SLC7A11: variants seen among roughly 807,000 people sequenced by gnomAD.
SLC7A11 encodes cystine/glutamate transporter.
A neutral mutation model predicts 54.5 loss-of-function variants in SLC7A11; 35 were observed. The observed-to-expected ratio is 0.64, with a 90% CI of 0.49 to 0.85. The LOEUF is 0.85. SLC7A11 is among the 40% of genes least tolerant of loss of function. SLC7A11 has a pLI of 0.00. For missense variants in SLC7A11, 583 were observed against 618.1 expected (o/e 0.94, Z 0.60); for synonymous variants, 230 against 225.2 (o/e 1.02, Z -0.19).
intron 6 of SLC7A11, among the ~76,000 whole-genome samples, chr4:138,214,072 G>A (rs957454753): frequency 3.3e-5 from 5 of 151,962 alleles, no homozygotes; most frequent in Non-Finnish European, 7.4e-5. Context: ...GAAAGAAAGA[G>A]TAAAACTTAT....
rs565568723 is a variant in SLC7A11 at position 138,232,364 on chromosome 4, C to T, written c.423G>A (p.Val141=). Residue 141 remains valine, a synonymous_variant, in exon 3 of 12, where the codon GTG becomes GTA. Transcript: ENST00000280612. Reference sequence around the variant, plus strand: ...TGTAGCGTCCAAATGCCAGGGATATCACAGCAGTAGCTGCAGGGCTAAAAA... The same window carrying T: ...TGTAGCGTCCAAATGCCAGGGATATTACAGCAGTAGCTGCAGGGCTAAAAA... ...LLIIRPAATA[V]ISLAFGRYIL... is the part of the protein sequence containing the mutation. The T allele has an allele frequency of 6.2e-7, 1 of 1,609,420 alleles. No individual in the cohort carries two copies. The highest frequency in any genetic ancestry group is 1.3e-5 in the African/African-American group (1 of 74,884).
intron 10 of SLC7A11, among the ~76,000 whole-genome samples, chr4:138,180,129 C>G (rs1247358145): frequency 6.6e-6 from 1 of 152,058 alleles, no homozygotes; most frequent in Non-Finnish European, 1.5e-5. Flanking sequence ...TCTTCTCTTT[C>G]CCTGTATATT....
chr4:138,224,750 A>G (rs1266495790), intron 3 of SLC7A11, among the ~76,000 whole-genome samples: 1 of 151,604 alleles, frequency 6.6e-6, no homozygotes, highest in African/African-American at 2.4e-5. Context: ...TGATCAATAC[A>G]GCAAGTTAGA....
intron 6 of SLC7A11, among the ~76,000 whole-genome samples, chr4:138,188,419 C>A (rs1736928958): frequency 6.6e-6 from 1 of 152,136 alleles, no homozygotes. Flanking sequence ...AAAATAGCCA[C>A]TAGCTTCCAT....
rs977621593 is a variant in SLC7A11 at position 138,241,853 on chromosome 4, T to C, written c.217A>G (p.Thr73Ala). ...GTCAGAGACATGCCCACGCTGCCCG[T>C]GTTCTGGAGCACGCCCTTAGGAGAG... ...FISPKGVLQN[T>A]GSVGMSLTIW... The change falls in exon 1 of 12, where the codon ACG becomes GCG. Residue 73 changes from threonine (T) to alanine (A), a missense_variant. Transcript: ENST00000280612. 2 of 1,614,026 alleles carry C rather than the reference T, an allele frequency of 1.2e-6. No homozygotes were observed. Among genetic ancestry groups the C allele is most frequent in the Non-Finnish European group, 8.5e-7 (1 of 1,180,008 alleles).
chr4:138,208,523 T>C (rs1406667781), intron 6 of SLC7A11, among the ~76,000 whole-genome samples: 2 of 125,010 alleles, frequency 1.6e-5, no homozygotes, highest in Non-Finnish European at 3.8e-5. Context: ...ACAGATTGCA[T>C]AGTCACCACA....
At chr4:138,195,255 G>A (rs913801288) in intron 6 of SLC7A11, among the ~76,000 whole-genome samples, 4 of 152,092 alleles carry the variant, frequency 2.6e-5, no homozygotes, top group Admixed American at 6.6e-5. Flanking sequence ...ATTATTTCAC[G>A]TAATGTCTTC....
chr4:138,182,333 G>A lies in SLC7A11; in HGVS notation c.1080C>T (p.Val360=). Residue 360 remains valine (V), a synonymous_variant, in exon 9 of 12, where the codon GTC becomes GTT. Coordinates refer to ENST00000280612, the MANE Select transcript of SLC7A11 (RefSeq NM_014331.4). ...HLPEILSMIH[V]RKHTPLPAVI... ...CAGCTGGTAGAGGAGTGTGCTTGCGGACATGAATCATGGAGAGGATTTCTG... is the reference window on the plus strand; with the variant it reads ...CAGCTGGTAGAGGAGTGTGCTTGCGAACATGAATCATGGAGAGGATTTCTG... 1 of 1,611,766 alleles carries A rather than the reference G, an allele frequency of 6.2e-7. No individual in the cohort carries two copies. Among genetic ancestry groups the A allele is most frequent in the Non-Finnish European group, 8.5e-7 (1 of 1,178,274 alleles).
intron 7 of SLC7A11, 38 bp downstream of exon 7, chr4:138,185,083 C>T (rs1224791090): frequency 1.2e-6 from 2 of 1,610,360 alleles, no homozygotes; most frequent in Non-Finnish European, 1.7e-6. Flanking sequence ...AGCTCATTAA[C>T]CTAAATTCCA....
chr4:138,173,233 G>C (rs767430438), intron 11 of SLC7A11, among the ~76,000 whole-genome samples: 2 of 152,030 alleles, frequency 1.3e-5, no homozygotes, highest in Admixed American at 6.6e-5. Context: ...CCTCTTGATG[G>C]TTTCAGGCCC....
intron 5 of SLC7A11, among the ~76,000 whole-genome samples, chr4:138,216,610 A>C (rs1227622711): frequency 6.6e-6 from 1 of 152,194 alleles, no homozygotes; most frequent in Admixed American, 6.5e-5. Context: ...AGAAAGTTTC[A>C]GCATTCCTCA....
At chr4:138,175,751 T>G (rs1736555419) in intron 11 of SLC7A11, 1 of 152,134 alleles carries the variant, frequency 6.6e-6, no homozygotes. Context: ...CCTTGGATTC[T>G]GAACATTCCC....
Position 138,171,809 on chromosome 4 carries a change from G to A in SLC7A11, c.*147C>T, listed in dbSNP as rs780874224. On this transcript the variant is annotated 3_prime_UTR_variant, in exon 12 of 12. Transcript: ENST00000280612. Reference sequence around the variant, plus strand: ...AACTAAATTTCTTAGAAATTAGTTCGAATATGCTAAAATATATGAATAAAA... The same window carrying A: ...AACTAAATTTCTTAGAAATTAGTTCAAATATGCTAAAATATATGAATAAAA... 78 of 1,013,530 alleles carry A rather than the reference G, an allele frequency of 7.7e-5. No homozygotes were observed. The highest frequency in any genetic ancestry group is 9.7e-5 in the Non-Finnish European group (70 of 724,390). The allele number at this position is 1,013,530 out of a possible 1,614,324, so 62.8% of individuals were successfully genotyped here. A position where few individuals can be genotyped will look rare whatever the true frequency, so the allele number is the denominator to read the frequency against.
chr4:138,172,462 G>T (rs923946671), intron 11 of SLC7A11, among the ~76,000 whole-genome samples: 1 of 152,192 alleles, frequency 6.6e-6, no homozygotes, highest in East Asian at 1.9e-4. Context: ...ATGTTATTGA[G>T]AATGTTGTCT....
chr4:138,208,515 A>AGATT (rs1391628089), intron 6 of SLC7A11, among the ~76,000 whole-genome samples: 1 of 139,746 alleles, frequency 7.2e-6, no homozygotes, highest in African/African-American at 2.5e-5. Context: ...GAACAATGAC[A>AGATT]GATTGCATAG....
chr4:138,228,104 C>G (rs1255848708), intron 3 of SLC7A11, among the ~76,000 whole-genome samples: 1 of 152,106 alleles, frequency 6.6e-6, no homozygotes, highest in Non-Finnish European at 1.5e-5. Context: ...GTTTGCAGAA[C>G]TGGGTAATTT....
intron 6 of SLC7A11, among the ~76,000 whole-genome samples, chr4:138,196,875 G>T (rs1335853537): frequency 6.6e-6 from 1 of 152,092 alleles, no homozygotes; most frequent in Admixed American, 6.5e-5. Flanking sequence ...GGCCAGGCTG[G>T]TCTCAAGCTC....
intron 6 of SLC7A11, among the ~76,000 whole-genome samples, chr4:138,199,230 CAG>C (rs1387527979): frequency 6.6e-6 from 1 of 152,080 alleles, no homozygotes; most frequent in Admixed American, 6.6e-5. Flanking sequence ...AAAATAATAA[CAG>C]TGAGTACTTT....
intron 6 of SLC7A11, among the ~76,000 whole-genome samples, chr4:138,212,506 G>GA (rs1161409113): frequency 2.3e-3 from 320 of 136,390 alleles, no homozygotes; most frequent in African/African-American, 3.8e-3. Flanking sequence ...CTTTGCAACA[G>GA]AAAAAAAAAA....
Sources: gnomAD v4.1 joint callset for allele counts (sites outside exome capture counted in the v4.1 genomes callset) on GRCh38, gnomAD v4.1.1 for gene constraint, MANE v1.5 for transcripts, NCBI Gene and HGNC (gene_info 2026-07-23, HGNC 2026-07-21) for gene names.